Variants in KLRG1 observed in about 807,000 individuals in gnomAD.
KLRG1 encodes killer cell lectin-like receptor subfamily G member 1.
A neutral mutation model predicts 21.8 loss-of-function variants in KLRG1; 16 were observed. The ratio of observed to expected loss-of-function variants is 0.73; its 90% confidence interval spans 0.50 to 1.11. The LOEUF is 1.11. Ranked by LOEUF, KLRG1 falls within the 50% of genes most tolerant of loss-of-function variation. KLRG1 has a pLI of 0.00. For synonymous variants in KLRG1, 69 were observed against 75.9 expected (o/e 0.91, Z 0.47); for missense variants, 173 against 218.3 (o/e 0.79, Z 1.31).
the KLRG1 span, chr12:9,152,074 A>T: frequency 1.5e-6 from 1 of 678,536 alleles, no homozygotes; most frequent in Non-Finnish European, 2.6e-6. Context: ...ACGGCCAACT[A>T]AATAGTTCAT....
At chr12:9,064,547 C>T in the KLRG1 span, 1 of 155,482 alleles carries the variant, frequency 6.4e-6, no homozygotes, top group Non-Finnish European at 1.4e-5. This position sits in a 1 kb window ranked among gnomAD's most constrained non-coding sequence, Gnocchi z 4.0. Flanking sequence ...CTCTCGCCCG[C>T]CGCCGCCGCG....
At chr12:9,075,153 C>T in the KLRG1 span, among the ~76,000 whole-genome samples, 1 of 152,024 alleles carries the variant, frequency 6.6e-6, no homozygotes. Flanking sequence ...TTATCAGTTT[C>T]TTGTGAGGAT....
chr12:8,997,149 G>A (rs1053159153), intron 3 of KLRG1, among the ~76,000 whole-genome samples: 1 of 152,128 alleles, frequency 6.6e-6, no homozygotes, highest in African/African-American at 2.4e-5. Context: ...GACTATTGTT[G>A]AGTAAAACCA....
At chr12:9,192,211 G>T in the KLRG1 span, 1 of 1,613,826 alleles carries the variant, frequency 6.2e-7, no homozygotes, top group African/African-American at 1.3e-5. Flanking sequence ...GACTCCACAG[G>T]CAGAGTGTGG....
the KLRG1 span, chr12:9,104,247 T>A: frequency 6.2e-7 from 1 of 1,611,074 alleles, no homozygotes; most frequent in East Asian, 2.2e-5. Flanking sequence ...ACCCTAACAG[T>A]AAGAGAGGTA....
At chr12:9,161,004 C>T in the KLRG1 span, 4 of 1,520,354 alleles carry the variant, frequency 2.6e-6, no homozygotes, top group Non-Finnish European at 3.7e-6. Context: ...CTCTTTTGGC[C>T]CAGGTTTACT....
the KLRG1 span, among the ~76,000 whole-genome samples, chr12:9,070,912 C>G: frequency 1.3e-5 from 2 of 152,006 alleles, no homozygotes; most frequent in Admixed American, 1.3e-4. Flanking sequence ...CCTCCGCCTC[C>G]TGGGTTCAAG....
the KLRG1 span, chr12:9,201,309 A>G: frequency 2.6e-6 from 4 of 1,522,292 alleles, no homozygotes; most frequent in African/African-American, 4.1e-5. Context: ...CTTATAAGAT[A>G]CTTTTTCTGA....
chr12:9,066,547 G>A, the KLRG1 span: 2 of 152,350 alleles, frequency 1.3e-5, no homozygotes, highest in Admixed American at 6.5e-5. Flanking sequence ...ATCTCCCTTG[G>A]ATCCGGGATC....
the KLRG1 span, among the ~76,000 whole-genome samples, chr12:9,158,757 CTTTTT>C: frequency 7.2e-4 from 90 of 125,386 alleles, no homozygotes; most frequent in Non-Finnish European, 8.9e-4. Flanking sequence ...CTTTTCTTTT[CTTTTT>C]TTTTTTTTTT....
upstream of KLRG1, chr12:8,988,359 A>G (rs1247293137): frequency 1.3e-5 from 2 of 152,220 alleles, no homozygotes; most frequent in Non-Finnish European, 2.9e-5. Flanking sequence ...GTTCCTGAAA[A>G]TAGCTGCCTT....
the KLRG1 span, chr12:9,027,820 C>CCT: frequency 5.0e-5 from 59 of 1,179,984 alleles, no homozygotes; most frequent in African/African-American, 7.0e-4. Flanking sequence ...GCCACCATGA[C>CCT]CATGAAGTTT....
chr12:9,072,739 GGTTGTT>G, the KLRG1 span: 2 of 1,614,018 alleles, frequency 1.2e-6, no homozygotes, highest in Admixed American at 1.7e-5. Context: ...AGTAACAGGC[GGTTGTT>G]GTTGTCCACT....
chr12:8,993,422 G>A (rs1238068776), intron 2 of KLRG1, among the ~76,000 whole-genome samples: 1 of 152,022 alleles, frequency 6.6e-6, no homozygotes, highest in Non-Finnish European at 1.5e-5. Context: ...CCGAGTAGCT[G>A]GGATTACAGG....
At chr12:9,109,455 G>C in the KLRG1 span, 8 of 1,436,072 alleles carry the variant, frequency 5.6e-6, no homozygotes, top group African/African-American at 1.4e-5. Context: ...AACTTTGGGG[G>C]AATTCCTATT....
chr12:9,111,943 G>A, the KLRG1 span: 1 of 713,634 alleles, frequency 1.4e-6, no homozygotes, highest in Admixed American at 1.8e-5. Context: ...TTAATTGTGT[G>A]ACAACTGACT....
intron 1 of KLRG1, among the ~76,000 whole-genome samples, chr12:8,979,462 T>C (rs181098374): frequency 3.9e-5 from 6 of 152,380 alleles, no homozygotes; most frequent in African/African-American, 1.4e-4. Context: ...TTATATGTGA[T>C]GAGTCATTTT....
chr12:9,067,222 C>G, the KLRG1 span: 1 of 155,600 alleles, frequency 6.4e-6, no homozygotes, highest in Admixed American at 6.3e-5. Context: ...TGAATCCTCC[C>G]TTCATTATTT....
At chr12:9,084,475 G>A in the KLRG1 span, among the ~76,000 whole-genome samples, 2 of 152,082 alleles carry the variant, frequency 1.3e-5, no homozygotes, top group Non-Finnish European at 2.9e-5. Flanking sequence ...GCAAAGTTAA[G>A]TTGTTATCAG....
Sources: allele counts gnomAD v4.1 joint callset (sites outside exome capture counted in the v4.1 genomes callset), GRCh38; gene constraint gnomAD v4.1.1; non-coding constraint Gnocchi (gnomAD v3.1); transcripts MANE v1.5; gene names NCBI Gene and HGNC (gene_info 2026-07-23, HGNC 2026-07-21).